NGEF: variants seen among roughly 807,000 people sequenced by gnomAD.
NGEF encodes neuronal guanine nucleotide exchange factor.
In NGEF, 31 loss-of-function variants were observed where a neutral mutation model predicts 80.9. That is an observed-to-expected ratio of 0.38 (90% CI 0.29 to 0.52). The LOEUF (loss-of-function observed/expected upper bound fraction) is 0.52. Among genes scored for constraint, NGEF ranks in the 20% least tolerant of loss-of-function variants. The pLI, the probability that NGEF is intolerant of heterozygous loss-of-function variation, is 0.84. For missense variants in NGEF, 709 were observed against 926.2 expected (o/e 0.77, Z 3.04); for synonymous variants, 371 against 370.2 (o/e 1.00, Z -0.03).
intron 5 of NGEF, among the ~76,000 whole-genome samples, chr2:232,909,425 G>A (rs1685850331): frequency 2.9e-5 from 2 of 69,288 alleles, no homozygotes; most frequent in East Asian, 9.6e-4. Context: ...ATGTGCTTAT[G>A]TTTTATGTAA....
chr2:232,900,028 TCA>T (rs1251376106), intron 5 of NGEF, among the ~76,000 whole-genome samples: 1 of 132,228 alleles, frequency 7.6e-6, no homozygotes, highest in East Asian at 2.6e-4. Context: ...ACACGTTCAC[TCA>T]CATTCACTCA....
chr2:232,928,358 C>G (rs1331105225), intron 3 of NGEF, among the ~76,000 whole-genome samples: 2 of 151,358 alleles, frequency 1.3e-5, no homozygotes, highest in Non-Finnish European at 3.0e-5. Context: ...CGTGCCCCGA[C>G]CCGGAGAGGG....
intron 4 of NGEF, among the ~76,000 whole-genome samples, chr2:232,925,603 C>G (rs1357494274): frequency 6.6e-6 from 1 of 152,146 alleles, no homozygotes; most frequent in Non-Finnish European, 1.5e-5. Context: ...AAAGACAGCT[C>G]CACACACCCA....
intron 2 of NGEF, among the ~76,000 whole-genome samples, chr2:232,973,770 C>A (rs1694239919): frequency 1.3e-5 from 2 of 152,326 alleles, no homozygotes; most frequent in Admixed American, 6.5e-5. Flanking sequence ...ACTAAACCAA[C>A]CCCCAGAATC....
chr2:232,988,041 G>C (rs867909727), intron 1 of NGEF, among the ~76,000 whole-genome samples: 2,798 of 123,226 alleles, frequency 0.023, 66 homozygotes, highest in African/African-American at 0.069. Context: ...GGTCTCGTGT[G>C]TGTGTGTGTG....
At chr2:232,942,003 T>G (rs1309753708) in intron 3 of NGEF, among the ~76,000 whole-genome samples, 3 of 152,180 alleles carry the variant, frequency 2.0e-5, no homozygotes, top group African/African-American at 4.8e-5. Context: ...CCAGAATGCT[T>G]CTTCCTTTTA....
intron 3 of NGEF, among the ~76,000 whole-genome samples, chr2:232,931,856 C>T (rs543360452): frequency 1.6e-4 from 24 of 152,306 alleles, no homozygotes; most frequent in African/African-American, 5.1e-4. Flanking sequence ...ATTCAGAAAT[C>T]GTCTGGCTGC....
At chr2:232,891,296 C>A (rs1010271927) in intron 8 of NGEF, 62 bp downstream of exon 8, 12 of 1,597,818 alleles carry the variant, frequency 7.5e-6, no homozygotes, top group Admixed American at 1.7e-5. Context: ...TGACAGGGCC[C>A]GGGAATGACC....
chr2:232,953,196 G>T (rs558271821), intron 3 of NGEF, among the ~76,000 whole-genome samples: 2 of 150,384 alleles, frequency 1.3e-5, no homozygotes, highest in African/African-American at 2.4e-5. Flanking sequence ...TAGCTAGTGG[G>T]GAGACTGAAG....
chr2:232,951,906 T>C (rs991095593), intron 3 of NGEF, among the ~76,000 whole-genome samples: 2 of 152,176 alleles, frequency 1.3e-5, no homozygotes, highest in Admixed American at 1.3e-4. Flanking sequence ...TTTCTTAACA[T>C]AAGCCAGGGG....
chr2:232,967,980 A>G (rs1171440043), intron 3 of NGEF, among the ~76,000 whole-genome samples: 1 of 152,212 alleles, frequency 6.6e-6, no homozygotes, highest in Non-Finnish European at 1.5e-5. Context: ...CTTACAAAAC[A>G]GCAAAAATTT....
At chr2:232,964,801 G>T (rs770396372) in intron 3 of NGEF, among the ~76,000 whole-genome samples, 1 of 152,358 alleles carries the variant, frequency 6.6e-6, no homozygotes, top group Middle Eastern at 3.4e-3. Context: ...TACACACTGT[G>T]TGATCCCATT....
intron 3 of NGEF, among the ~76,000 whole-genome samples, chr2:232,964,441 C>T (rs1694016495): frequency 6.6e-6 from 1 of 151,990 alleles, no homozygotes; most frequent in Non-Finnish European, 1.5e-5. Flanking sequence ...ACCTGTAATC[C>T]CAACATTTTG....
chr2:232,894,798 A>T lies in NGEF; in HGVS notation c.947T>A (p.Ile316Asn). ...RKILHPSEAH[I>N]LFSNVLDVLA... Reference sequence around the variant, plus strand: ...CACGTCCAGGACGTTGGAGAAGAGGATGTGCGCCTCGGACGGGTGCAGGAT... The same window carrying T: ...CACGTCCAGGACGTTGGAGAAGAGGTTGTGCGCCTCGGACGGGTGCAGGAT... Residue 316 changes from isoleucine (I) to asparagine (N), a missense_variant, in exon 6 of 15, where the codon ATC becomes AAC. By Grantham distance (149) the Ile-to-Asn change is moderately radical (BLOSUM62 -3). This residue lies in a region of NGEF where 426 missense variants were observed against 622.9 expected (regional missense o/e 0.68). Coordinates refer to ENST00000264051, the MANE Select transcript of NGEF (RefSeq NM_019850.3). The T allele has an allele frequency of 6.2e-7, 1 of 1,610,650 alleles. No homozygotes were observed. The highest frequency in any genetic ancestry group is 1.3e-5 in the African/African-American group (1 of 75,016).
At chr2:232,890,903 G>A (rs773461224) in intron 8 of NGEF, 15 of 471,194 alleles carry the variant, frequency 3.2e-5, no homozygotes, top group Non-Finnish European at 4.0e-5. Context: ...TCATGTTCCC[G>A]AGATCGCTGC....
chr2:232,906,128 A>C (rs1162601803), intron 5 of NGEF, among the ~76,000 whole-genome samples: 3 of 69,578 alleles, frequency 4.3e-5, no homozygotes, highest in Non-Finnish European at 6.2e-5. Flanking sequence ...TGGGGGTCTC[A>C]GCCCCCCGCC....
At chr2:232,975,283 G>A (rs1459892589) in intron 1 of NGEF, among the ~76,000 whole-genome samples, 6 of 152,176 alleles carry the variant, frequency 3.9e-5, no homozygotes, top group Non-Finnish European at 5.9e-5. Flanking sequence ...GAAATAGTGA[G>A]GGAATTCCAG....
At chr2:232,944,296 C>T (rs1171695854) in intron 3 of NGEF, among the ~76,000 whole-genome samples, 1 of 152,138 alleles carries the variant, frequency 6.6e-6, no homozygotes, top group Non-Finnish European at 1.5e-5. Flanking sequence ...CCCTTCCACC[C>T]AGTGACGCCA....
intron 10 of NGEF, among the ~76,000 whole-genome samples, chr2:232,884,625 G>A (rs773214098): frequency 2.0e-5 from 3 of 152,186 alleles, no homozygotes; most frequent in Non-Finnish European, 4.4e-5. Flanking sequence ...TGGGACCCGC[G>A]GGGCAAGGAG....
Sources: gnomAD v4.1 joint callset for allele counts (sites outside exome capture counted in the v4.1 genomes callset) on GRCh38, gnomAD v4.1.1 for gene constraint, gnomAD v4.1.1 regional missense constraint, MANE v1.5 for transcripts, NCBI Gene and HGNC (gene_info 2026-07-23, HGNC 2026-07-21) for gene names.